The following TEN1 variants were observed in gnomAD, a reference collection of about 807,000 sequenced individuals.
TEN1 encodes the protein CST complex subunit TEN1.
A neutral mutation model predicts 9.3 loss-of-function variants in TEN1; 6 were observed. The observed-to-expected ratio is 0.65, with a 90% CI of 0.35 to 1.27. TEN1 has a LOEUF of 1.27. Ranked by LOEUF, TEN1 falls within the 50% of genes most tolerant of loss-of-function variation. The probability of loss-of-function intolerance (pLI) is 0.03; values close to 1 mark genes in which losing one functional copy is unlikely to be tolerated. For missense variants in TEN1, 149 were observed against 158.2 expected (o/e 0.94, Z 0.31); for synonymous variants, 65 against 65.6 (o/e 0.99, Z 0.04).
chr17:75,991,428 G>A (rs753767267), intron 2 of TEN1, 38 bp from the exon 3 acceptor site: 29 of 1,548,310 alleles, frequency 1.9e-5, no homozygotes, highest in African/African-American at 2.7e-5. Context: ...GTGATTCTAC[G>A]TATGGATGGA....
At chr17:75,995,220 CA>C (rs57034018) in intron 3 of TEN1, among the ~76,000 whole-genome samples, 43,693 of 120,688 alleles carry the variant, frequency 0.36, 6,324 homozygotes, top group Middle Eastern at 0.38. Context: ...GACCCTGTTT[CA>C]AAAAAAAAAA....
intron 3 of TEN1, among the ~76,000 whole-genome samples, chr17:75,998,763 T>C (rs2066233189): frequency 6.6e-6 from 1 of 152,158 alleles, no homozygotes. Context: ...TGATCTCGGC[T>C]CACTGCAACG....
At chr17:75,999,166 C>T (rs560131738) in intron 3 of TEN1, among the ~76,000 whole-genome samples, 12 of 152,024 alleles carry the variant, frequency 7.9e-5, no homozygotes, top group African/African-American at 2.9e-4. Flanking sequence ...GGCAACATGG[C>T]GAGACCCCAT....
chr17:75,986,310 G>T (rs2066152290), intron 2 of TEN1, 26 bp downstream of exon 2: 2 of 1,525,568 alleles, frequency 1.3e-6, no homozygotes, highest in Non-Finnish European at 1.8e-6. Context: ...TTTTTCACTG[G>T]TGGGGGTGAT....
chr17:75,991,892 C>T (rs1016655498), intron 3 of TEN1, among the ~76,000 whole-genome samples: 2 of 151,934 alleles, frequency 1.3e-5, no homozygotes, highest in South Asian at 4.2e-4. Flanking sequence ...ACTAAAAGTA[C>T]AAAACTTAGC....
At chr17:75,992,807 T>G (rs1012114190) in intron 3 of TEN1, among the ~76,000 whole-genome samples, 3 of 150,620 alleles carry the variant, frequency 2.0e-5, no homozygotes, top group Admixed American at 2.0e-4. Flanking sequence ...CCACCGTTTT[T>G]TTTTTTTTTT....
rs576921979 is a variant in TEN1, at chr17:75,985,685, C to T, written c.-6-502C>T. On this transcript the variant is annotated intron_variant, in intron 1 of 3. Transcript: ENST00000397640. ...GATTACAGGCATGCGCCACCATGCC[C>T]GGCTAATTTTGTATTTTTAGTAGAG... Among the ~76,000 whole-genome samples, 211 of 152,118 alleles carry T rather than the reference C, an allele frequency of 1.4e-3. 1 individual carries two copies. The highest frequency in any genetic ancestry group is 2.2e-3 in the Admixed American group (33 of 15,254).
intron 2 of TEN1, 129 bp from the exon 3 acceptor site, chr17:75,991,337 C>G: frequency 1.1e-6 from 1 of 938,552 alleles, no homozygotes. Flanking sequence ...TTTGTTGCTG[C>G]AATTTGCATT....
rs928395591 is a variant in TEN1, at chr17:76,000,062, G to A, written c.251-79G>A. Reference sequence around the variant, plus strand: ...AAAACCCAGGACTGAGCTGTGGAGGGAACAGCTGGAATGCACCTTGGAGGA... The same window carrying A: ...AAAACCCAGGACTGAGCTGTGGAGGAAACAGCTGGAATGCACCTTGGAGGA... On this transcript the variant is annotated intron_variant, in intron 3 of 3. Coordinates refer to ENST00000397640, the MANE Select transcript of TEN1 (RefSeq NM_001113324.3). This position sits in a 1 kb window ranked among gnomAD's most constrained non-coding sequence, Gnocchi z 5.9. The A allele has an allele frequency of 1.3e-6, 2 of 1,510,290 alleles. No individual in the cohort carries two copies. The highest frequency in any genetic ancestry group is 2.8e-5 in the African/African-American group (2 of 72,396). The allele number at this position is 1,510,290 out of a possible 1,614,324, so 93.6% of individuals were successfully genotyped here. A position where few individuals can be genotyped will look rare whatever the true frequency, so the allele number is the denominator to read the frequency against.
In TEN1 at chr17:76,000,362, T is replaced by C. The variant is rs2066247398; in HGVS notation, c.*100T>C. The stretch of plus-strand genomic sequence containing the variant: ...ACAGACGCCTCCCCAGCGACGGCCT[T>C]GTCTGGAGCTCGAAAGCCGAGGGGC... On this transcript the variant is annotated 3_prime_UTR_variant, in exon 4 of 4. Transcript: ENST00000397640. The surrounding 1 kb of genome is among the most constrained non-coding windows in gnomAD (Gnocchi z 5.9). 1.4e-6 allele frequency: 2 copies of C among 1,432,554 alleles called. No homozygotes were observed. The highest frequency in any genetic ancestry group is 1.8e-6 in the Non-Finnish European group (2 of 1,084,436). The allele number at this position is 1,432,554 out of a possible 1,614,324, so 88.7% of individuals were successfully genotyped here.
At chr17:75,990,377 T>C (rs1439177751) in intron 2 of TEN1, among the ~76,000 whole-genome samples, 1 of 152,024 alleles carries the variant, frequency 6.6e-6, no homozygotes, top group East Asian at 1.9e-4. Context: ...GGAAAACATC[T>C]TGATCTTTAC....
At chr17:75,988,313 C>T (rs111966857) in intron 2 of TEN1, among the ~76,000 whole-genome samples, 7,904 of 150,872 alleles carry the variant, frequency 0.052, 662 homozygotes, top group African/African-American at 0.18. Context: ...GTGATCCTAG[C>T]ACTTTGGGAG....
chr17:75,991,149 CAAAAA>C (rs71361699), intron 2 of TEN1, among the ~76,000 whole-genome samples: 2 of 70,220 alleles, frequency 2.8e-5, no homozygotes, highest in African/African-American at 1.3e-4. Flanking sequence ...GACTCCATCT[CAAAAA>C]AAAAAAAAAA....
chr17:75,988,205 A>T (rs1366334706), intron 2 of TEN1, among the ~76,000 whole-genome samples: 1 of 148,746 alleles, frequency 6.7e-6, no homozygotes, highest in Non-Finnish European at 1.5e-5. Flanking sequence ...ATGCCATTAC[A>T]CTCCAGCCTG....
chr17:75,988,846 C>T (rs938895763), intron 2 of TEN1, among the ~76,000 whole-genome samples: 1 of 152,054 alleles, frequency 6.6e-6, no homozygotes, highest in South Asian at 2.1e-4. Flanking sequence ...TCTCGGCTCA[C>T]TGCAACCTCT....
At chr17:75,999,995 C>T in intron 3 of TEN1, 146 bp from the exon 4 acceptor site, 1 of 1,297,288 alleles carries the variant, frequency 7.7e-7, no homozygotes, top group South Asian at 1.5e-5. Flanking sequence ...TACTCAGTTG[C>T]CTTTGCCCCA....
chr17:75,991,295 T>C (rs2066184198), intron 2 of TEN1, among the ~76,000 whole-genome samples, 171 bp from the exon 3 acceptor site: 1 of 152,202 alleles, frequency 6.6e-6, no homozygotes, highest in African/African-American at 2.4e-5. Context: ...TCCTTCATAT[T>C]CTACAGTGTA....
At chr17:75,996,720 A>AGAG (rs1193586802) in intron 3 of TEN1, among the ~76,000 whole-genome samples, 2 of 124,604 alleles carry the variant, frequency 1.6e-5, no homozygotes, top group African/African-American at 5.0e-5. Flanking sequence ...AAAAAAAAAA[A>AGAG]AAAGAGAGAG....
chr17:75,997,730 C>G (rs941481334), intron 3 of TEN1, among the ~76,000 whole-genome samples: 1 of 152,160 alleles, frequency 6.6e-6, no homozygotes, highest in African/African-American at 2.4e-5. Context: ...CCTCCCTTTG[C>G]AGACAAACCT....
Sources: allele counts gnomAD v4.1 joint callset (sites outside exome capture counted in the v4.1 genomes callset), GRCh38; gene constraint gnomAD v4.1.1; non-coding constraint Gnocchi (gnomAD v3.1); transcripts MANE v1.5; gene names NCBI Gene and HGNC (gene_info 2026-07-23, HGNC 2026-07-21).